Variants in CFAP299 observed in about 807,000 individuals in gnomAD.
The protein encoded by CFAP299 is cilia and flagella associated protein 299.
CFAP299 carries 21 observed loss-of-function variants against 27.0 expected under a neutral mutation model. The ratio of observed to expected loss-of-function variants is 0.78; its 90% confidence interval spans 0.55 to 1.12. CFAP299 has a LOEUF of 1.12. Among genes scored for constraint, CFAP299 ranks in the 50% most tolerant of loss-of-function variants. The pLI is 0.00. For synonymous variants in CFAP299, 104 were observed against 98.1 expected (o/e 1.06, Z -0.36); for missense variants, 310 against 276.6 (o/e 1.12, Z -0.86).
chr4:80,951,685 C>T (rs1229935637), intron 5 of CFAP299, among the ~76,000 whole-genome samples: 4 of 152,190 alleles, frequency 2.6e-5, no homozygotes, highest in African/African-American at 9.7e-5. Context: ...TTTAAAGCCT[C>T]TTCAGGTAAC....
rs147506727 is a variant in CFAP299, at chr4:80,479,473, T to A, written c.243-103620T>A. Reference sequence around the variant, plus strand: ...ACAATCAAACTGAAATATGCCAACATGCATACAAAAAGCAGGTAAAACACT... The same window carrying A: ...ACAATCAAACTGAAATATGCCAACAAGCATACAAAAAGCAGGTAAAACACT... On this transcript the variant is annotated intron_variant, in intron 2 of 5. Transcript: ENST00000358105. Among the ~76,000 whole-genome samples, 1,196 of 152,086 alleles carry A rather than the reference T, an allele frequency of 7.9e-3. 8 individuals carry two copies. Among genetic ancestry groups the A allele is most frequent in the Admixed American group, 0.015 (233 of 15,280 alleles).
intron 3 of CFAP299, among the ~76,000 whole-genome samples, chr4:80,744,895 A>G (rs1724496164): frequency 6.6e-6 from 1 of 152,154 alleles, no homozygotes; most frequent in South Asian, 2.1e-4. Flanking sequence ...GCAAATCTTC[A>G]CACATGGTGG....
chr4:80,479,024 C>T lies in CFAP299; in HGVS notation c.243-104069C>T, dbSNP rs534321302. On this transcript the variant is annotated intron_variant, in intron 2 of 5. Transcript: ENST00000358105. ...TAGTTATTTTTTAAAAGATTAATTC[C>T]GTAAGAATTATCAAATAGGTATAAA... Among the ~76,000 whole-genome samples, 32 of 151,418 alleles carry T rather than the reference C, an allele frequency of 2.1e-4. 1 individual carries two copies. Among genetic ancestry groups the T allele is most frequent in the South Asian group, 1.7e-3 (8 of 4,782 alleles).
At chr4:80,621,872 T>C (rs1454276012) in intron 3 of CFAP299, among the ~76,000 whole-genome samples, 1 of 151,906 alleles carries the variant, frequency 6.6e-6, no homozygotes, top group Admixed American at 6.6e-5. Context: ...TAAGAATTTG[T>C]GGGATGGTGG....
At chr4:80,439,456 C>G (rs1008194101) in intron 2 of CFAP299, among the ~76,000 whole-genome samples, 2 of 152,148 alleles carry the variant, frequency 1.3e-5, no homozygotes, top group Non-Finnish European at 2.9e-5. Flanking sequence ...TCGGGGAACT[C>G]CCTCCCCTTG....
chr4:80,900,755 T>TAAG (rs1477506879), intron 4 of CFAP299, among the ~76,000 whole-genome samples: 1 of 151,420 alleles, frequency 6.6e-6, no homozygotes, highest in African/African-American at 2.4e-5. Flanking sequence ...TTATTTTAAA[T>TAAG]AATAATAATA....
intron 1 of CFAP299, among the ~76,000 whole-genome samples, chr4:80,344,081 A>G (rs1722604656): frequency 6.6e-6 from 1 of 152,170 alleles, no homozygotes; most frequent in Non-Finnish European, 1.5e-5. Flanking sequence ...AACACAACTA[A>G]AAGAACCAGA....
chr4:80,811,901 G>A (rs1277322363), intron 3 of CFAP299, among the ~76,000 whole-genome samples: 1 of 151,796 alleles, frequency 6.6e-6, no homozygotes, highest in Non-Finnish European at 1.5e-5. Flanking sequence ...AATAAAACGA[G>A]AATATGAGAA....
intron 3 of CFAP299, among the ~76,000 whole-genome samples, chr4:80,670,263 T>C (rs1741401485): frequency 1.3e-5 from 2 of 152,120 alleles, no homozygotes; most frequent in South Asian, 4.2e-4. Context: ...CTTCTGGTAG[T>C]ATGCTCAGAA....
chr4:80,535,227 A>G (rs1194389453), intron 2 of CFAP299, among the ~76,000 whole-genome samples: 1 of 152,100 alleles, frequency 6.6e-6, no homozygotes, highest in Non-Finnish European at 1.5e-5. Context: ...CAGAATGATC[A>G]TTTTGTTTTC....
intron 5 of CFAP299, among the ~76,000 whole-genome samples, chr4:80,951,441 T>C (rs1737771632): frequency 6.6e-6 from 1 of 152,190 alleles, no homozygotes; most frequent in Non-Finnish European, 1.5e-5. Context: ...TATTTGAAAA[T>C]TGTTCACAAT....
chr4:80,692,762 C>A (rs1720811187), intron 3 of CFAP299, among the ~76,000 whole-genome samples: 1 of 151,980 alleles, frequency 6.6e-6, no homozygotes, highest in Non-Finnish European at 1.5e-5. Context: ...AACAGGCAAC[C>A]AACAAAATGG....
intron 3 of CFAP299, among the ~76,000 whole-genome samples, chr4:80,683,634 A>G (rs1719988976): frequency 6.6e-6 from 1 of 152,146 alleles, no homozygotes; most frequent in South Asian, 2.1e-4. Context: ...TAACTGCTCA[A>G]AGTAAGTCTC....
At chr4:80,342,792 C>T (rs1722520159) in intron 1 of CFAP299, among the ~76,000 whole-genome samples, 1 of 152,182 alleles carries the variant, frequency 6.6e-6, no homozygotes, top group Admixed American at 6.5e-5. Flanking sequence ...AACCAGCTAG[C>T]ATCATGATGA....
Position 80,945,054 on chromosome 4 carries a change from A to G in CFAP299, c.606+115A>G. Reference sequence around the variant, plus strand: ...TCTTAAGTTGTTAAATTTAGAAAGGAAATAACATTTTGAAACTTAGAGCAT... The same window carrying G: ...TCTTAAGTTGTTAAATTTAGAAAGGGAATAACATTTTGAAACTTAGAGCAT... On this transcript the variant is annotated intron_variant, in intron 5 of 5. Coordinates refer to ENST00000358105, the MANE Select transcript of CFAP299 (RefSeq NM_152770.3). 2.9e-6 allele frequency: 3 copies of G among 1,047,502 alleles called. No homozygotes were observed. The South Asian group carries it at 4.3e-5, about 15-fold the overall frequency. 64.9% of individuals were successfully genotyped at this position (1,047,502 alleles called of 1,614,324 possible).
chr4:80,659,438 T>A (rs1194741466), intron 3 of CFAP299, among the ~76,000 whole-genome samples: 1 of 151,682 alleles, frequency 6.6e-6, no homozygotes, highest in Non-Finnish European at 1.5e-5. Flanking sequence ...ATAAAAAGAA[T>A]CTTATAATTT....
chr4:80,789,754 C>T (rs1032281693), intron 3 of CFAP299, among the ~76,000 whole-genome samples: 1 of 151,902 alleles, frequency 6.6e-6, no homozygotes, highest in South Asian at 2.1e-4. Flanking sequence ...TACCCTTGAC[C>T]GCAATTCCAG....
intron 4 of CFAP299, among the ~76,000 whole-genome samples, chr4:80,924,514 ATGTG>A (rs35374483): frequency 4.6e-4 from 63 of 137,502 alleles, no homozygotes; most frequent in Admixed American, 2.1e-3. Context: ...ACAATTCATT[ATGTG>A]TGTGTGTGTG....
intron 2 of CFAP299, among the ~76,000 whole-genome samples, chr4:80,366,961 A>G (rs1723865113): frequency 6.6e-6 from 1 of 152,198 alleles, no homozygotes; most frequent in Non-Finnish European, 1.5e-5. Flanking sequence ...AAAAAAGACT[A>G]CTTACTGCAT....
Sources: gnomAD v4.1 joint callset for allele counts (sites outside exome capture counted in the v4.1 genomes callset) on GRCh38, gnomAD v4.1.1 for gene constraint, MANE v1.5 for transcripts, NCBI Gene and HGNC (gene_info 2026-07-23, HGNC 2026-07-21) for gene names.